SNTG1: variants seen among roughly 807,000 people sequenced by gnomAD.
SNTG1 encodes gamma-1-syntrophin.
A neutral mutation model predicts 74.7 loss-of-function variants in SNTG1; 39 were observed. The ratio of observed to expected loss-of-function variants is 0.52; its 90% CI spans 0.40 to 0.68. The LOEUF is 0.68. Ranked by LOEUF, SNTG1 falls within the 30% of genes least tolerant of loss-of-function variation. The pLI is 0.00. For synonymous variants in SNTG1, 254 were observed against 217.1 expected (o/e 1.17, Z -1.49); for missense variants, 685 against 609.5 (o/e 1.12, Z -1.30).
At position 50,774,131 on chromosome 8, in the gene SNTG1, T is replaced by C. The variant is rs578007823; in HGVS notation, c.1396-18540T>C. ...AATAGCAGAGTCTCAGAAGTCTCTATAACAGCATAAGTTATACTGTCATAT... is the reference window on the plus strand; with the variant it reads ...AATAGCAGAGTCTCAGAAGTCTCTACAACAGCATAAGTTATACTGTCATAT... On this transcript the variant is annotated intron_variant, in intron 18 of 18. Coordinates refer to ENST00000642720, the MANE Select transcript of SNTG1 (RefSeq NM_018967.5). 1.5e-3 allele frequency among the ~76,000 whole-genome samples: 221 copies of C among 152,026 alleles called. 1 individual carries two copies. Among genetic ancestry groups the C allele is most frequent in the African/African-American group, 5.0e-3 (207 of 41,546 alleles).
At chr8:50,322,807 C>G (rs1276146736) in intron 2 of SNTG1, among the ~76,000 whole-genome samples, 2 of 151,710 alleles carry the variant, frequency 1.3e-5, no homozygotes, top group Non-Finnish European at 2.9e-5. Flanking sequence ...TCTGCTTGAT[C>G]AATTCTGCTA....
chr8:50,235,069 C>G (rs1290527380), intron 2 of SNTG1, among the ~76,000 whole-genome samples: 1 of 152,024 alleles, frequency 6.6e-6, no homozygotes, highest in African/African-American at 2.4e-5. Context: ...GAAATGCTGA[C>G]AAAATGTATA....
At chr8:50,333,276 G>C (rs1018351021) in intron 2 of SNTG1, among the ~76,000 whole-genome samples, 2 of 152,178 alleles carry the variant, frequency 1.3e-5, no homozygotes, top group South Asian at 4.1e-4. Flanking sequence ...TTGCCATAGA[G>C]ATTAAATGAA....
At chr8:50,109,375 A>G (rs1297009018) in intron 1 of SNTG1, among the ~76,000 whole-genome samples, 1 of 152,166 alleles carries the variant, frequency 6.6e-6, no homozygotes, top group East Asian at 1.9e-4. Flanking sequence ...AAGTTCTGTC[A>G]TCCTGCAGAA....
At chr8:50,280,244 A>G (rs1197569270) in intron 2 of SNTG1, among the ~76,000 whole-genome samples, 1 of 152,234 alleles carries the variant, frequency 6.6e-6, no homozygotes, top group African/African-American at 2.4e-5. Flanking sequence ...TTGAAGAGGC[A>G]TTTCTATGGA....
intron 18 of SNTG1, among the ~76,000 whole-genome samples, chr8:50,788,343 T>C (rs879879572): frequency 5.3e-5 from 8 of 152,078 alleles, no homozygotes; most frequent in Admixed American, 4.6e-4. Flanking sequence ...CAATATTTTT[T>C]TGTCCTCACA....
chr8:50,627,644 C>A (rs938707715), intron 13 of SNTG1, among the ~76,000 whole-genome samples: 9 of 152,212 alleles, frequency 5.9e-5, no homozygotes, highest in Non-Finnish European at 1.0e-4. Flanking sequence ...CATGACCCCA[C>A]CTTCAGGTTT....
At chr8:50,248,747 T>C (rs1403821144) in intron 2 of SNTG1, among the ~76,000 whole-genome samples, 1 of 152,080 alleles carries the variant, frequency 6.6e-6, no homozygotes, top group Admixed American at 6.6e-5. Flanking sequence ...ACAAAGTAAT[T>C]AGAGAGATAG....
intron 1 of SNTG1, among the ~76,000 whole-genome samples, chr8:50,101,159 A>G (rs1485735192): frequency 6.6e-6 from 1 of 152,014 alleles, no homozygotes; most frequent in Non-Finnish European, 1.5e-5. Flanking sequence ...TATGTACCAC[A>G]TTTTCCTTAC....
At position 50,476,015 on chromosome 8, in the gene SNTG1, T is replaced by C. The variant is rs565276106; in HGVS notation, c.363+25286T>C. On this transcript the variant is annotated intron_variant, in intron 8 of 18. Transcript: ENST00000642720. ...ACTGGAGCACTGCTCCAGTCCCCCA[T>C]GGACTTGAATTATCCCTCTGTCCAG... Among the ~76,000 whole-genome samples, 16 of 152,140 alleles carry C rather than the reference T, an allele frequency of 1.1e-4. No homozygotes were observed. In the South Asian group the frequency reaches 1.2e-3, roughly 12 times the overall value.
chr8:50,235,195 C>T (rs965482962), intron 2 of SNTG1, among the ~76,000 whole-genome samples: 3 of 151,982 alleles, frequency 2.0e-5, no homozygotes, highest in Non-Finnish European at 4.4e-5. Flanking sequence ...AAGTAACATA[C>T]GTGACCACCA....
At chr8:50,262,715 CT>C (rs797000374) in intron 2 of SNTG1, among the ~76,000 whole-genome samples, 2 of 151,436 alleles carry the variant, frequency 1.3e-5, no homozygotes, top group Non-Finnish European at 1.5e-5. Context: ...GGCCCGAAAT[CT>C]TTTTTTTTAA....
chr8:50,202,828 T>C (rs2131850035), intron 2 of SNTG1, among the ~76,000 whole-genome samples: 1 of 151,740 alleles, frequency 6.6e-6, no homozygotes, highest in Non-Finnish European at 1.5e-5. Flanking sequence ...AAATGTTATG[T>C]GTAGGTGAAT....
chr8:50,459,732 T>C (rs1198871500), intron 8 of SNTG1, among the ~76,000 whole-genome samples: 2 of 152,194 alleles, frequency 1.3e-5, no homozygotes, highest in African/African-American at 4.8e-5. Flanking sequence ...GAGTACCCGA[T>C]GTTTAGCTCC....
At chr8:50,531,649 G>A (rs902640147) in intron 10 of SNTG1, among the ~76,000 whole-genome samples, 1 of 152,118 alleles carries the variant, frequency 6.6e-6, no homozygotes, top group African/African-American at 2.4e-5. Flanking sequence ...CCCTTTGCCT[G>A]GGAGTCAGAG....
chr8:50,764,144 G>T (rs1255559473), intron 18 of SNTG1, among the ~76,000 whole-genome samples: 1 of 151,382 alleles, frequency 6.6e-6, no homozygotes, highest in East Asian at 2.0e-4. Context: ...ATGAAATTGG[G>T]TTCTTATCTA....
In SNTG1 at chr8:50,695,487, C is replaced by CTTATTTAT. The variant is rs35894305; in HGVS notation, c.1039-9100_1039-9093dup. Among the ~76,000 whole-genome samples the CTTATTTAT allele has an allele frequency of 4.3e-4, 65 of 149,554 alleles. 1 individual carries two copies. Among genetic ancestry groups the CTTATTTAT allele is most frequent in the Middle Eastern group, 6.9e-3 (2 of 290 alleles). On this transcript the variant is annotated intron_variant, in intron 15 of 18. Transcript: ENST00000642720. ...TTTAATTTTTGTCTGTTTTTTATTT[C>CTTATTTAT]TTATTTATTTATTTATTTATACTTA...
chr8:50,581,576 C>A (rs139219508), intron 12 of SNTG1, among the ~76,000 whole-genome samples: 1,901 of 152,048 alleles, frequency 0.013, 43 homozygotes, highest in African/African-American at 0.042. Flanking sequence ...TTGAAGCCAT[C>A]AGAATTACTA....
At chr8:50,093,216 G>A (rs947657829) in intron 1 of SNTG1, among the ~76,000 whole-genome samples, 1 of 151,996 alleles carries the variant, frequency 6.6e-6, no homozygotes, top group African/African-American at 2.4e-5. Context: ...CAAATGACCT[G>A]GAGGTCTCAT....
Sources: gnomAD v4.1 joint callset for allele counts (sites outside exome capture counted in the v4.1 genomes callset) on GRCh38, gnomAD v4.1.1 for gene constraint, MANE v1.5 for transcripts, NCBI Gene and HGNC (gene_info 2026-07-23, HGNC 2026-07-21) for gene names.